Variants in LOC128092252 observed in about 807,000 individuals in gnomAD.
the LOC128092252 span, among the ~76,000 whole-genome samples, chr15:50,679,538 A>ATATTTT: frequency 6.8e-4 from 30 of 43,886 alleles, 1 homozygote; most frequent in African/African-American, 3.1e-3. Flanking sequence ...ATATATATAT[A>ATATTTT]TTTTTTTTTT....
chr15:50,657,674 A>G, the LOC128092252 span: 1 of 1,006,456 alleles, frequency 9.9e-7, no homozygotes, highest in Non-Finnish European at 1.5e-6. Flanking sequence ...TACCCATCAA[A>G]TATAATAGCA....
chr15:50,676,539 C>A, the LOC128092252 span, among the ~76,000 whole-genome samples: 1 of 151,676 alleles, frequency 6.6e-6, no homozygotes, highest in Non-Finnish European at 1.5e-5. Flanking sequence ...GTCAACACAG[C>A]GAGACCTCAT....
At chr15:50,668,979 A>G in the LOC128092252 span, among the ~76,000 whole-genome samples, 1 of 152,190 alleles carries the variant, frequency 6.6e-6, no homozygotes, top group African/African-American at 2.4e-5. Flanking sequence ...AACTGGCCTC[A>G]TATCTTGTCT....
chr15:50,671,107 T>C, the LOC128092252 span, among the ~76,000 whole-genome samples: 24,304 of 152,142 alleles, frequency 0.16, 2,077 homozygotes, highest in African/African-American at 0.22. Flanking sequence ...CAAAAATACA[T>C]TGTTATTTAG....
the LOC128092252 span, among the ~76,000 whole-genome samples, chr15:50,679,529 TATATA>T: frequency 3.5e-4 from 18 of 51,726 alleles, no homozygotes; most frequent in African/African-American, 9.5e-4. Flanking sequence ...TATATATATA[TATATA>T]TATATTTTTT....
At chr15:50,679,526 ATATATATATATATTTTT>A in the LOC128092252 span, among the ~76,000 whole-genome samples, 3 of 46,196 alleles carry the variant, frequency 6.5e-5, no homozygotes, top group African/African-American at 3.4e-4. Context: ...ATATATATAT[ATATATATATATATTTTT>A]TTTTTTTTTT....
the LOC128092252 span, among the ~76,000 whole-genome samples, chr15:50,678,884 AT>A: frequency 3.6e-4 from 41 of 113,544 alleles, no homozygotes; most frequent in South Asian, 3.8e-3. Context: ...AAAAAAAAAA[AT>A]TTTTTTGAGA....
At chr15:50,677,365 T>C in the LOC128092252 span, among the ~76,000 whole-genome samples, 4 of 151,870 alleles carry the variant, frequency 2.6e-5, no homozygotes, top group African/African-American at 7.3e-5. Flanking sequence ...CTTCAAGATA[T>C]GAATTCTCGG....
At chr15:50,685,005 A>G in the LOC128092252 span, among the ~76,000 whole-genome samples, 2 of 152,292 alleles carry the variant, frequency 1.3e-5, no homozygotes, top group African/African-American at 4.8e-5. Flanking sequence ...CTTTTTAGAC[A>G]TAAACACAAT....
chr15:50,678,541 T>TATATAC, the LOC128092252 span, among the ~76,000 whole-genome samples: 1 of 136,542 alleles, frequency 7.3e-6, no homozygotes, highest in African/African-American at 2.9e-5. Flanking sequence ...TATATATATA[T>TATATAC]ACACACACAC....
At chr15:50,682,328 T>C in the LOC128092252 span, among the ~76,000 whole-genome samples, 1 of 151,518 alleles carries the variant, frequency 6.6e-6, no homozygotes, top group South Asian at 2.1e-4. Flanking sequence ...AAATACACAG[T>C]CCCAGAAAAA....
chr15:50,657,866 T>C, the LOC128092252 span: 22 of 1,530,498 alleles, frequency 1.4e-5, no homozygotes, highest in Non-Finnish European at 2.0e-5. Context: ...TGAAAAACTT[T>C]CTGATTTTAA....
At chr15:50,686,192 A>G in the LOC128092252 span, among the ~76,000 whole-genome samples, 1 of 152,208 alleles carries the variant, frequency 6.6e-6, no homozygotes, top group East Asian at 1.9e-4. Context: ...TTGTAGGCTG[A>G]GCCCTGCGTC....
At chr15:50,667,644 T>C in the LOC128092252 span, among the ~76,000 whole-genome samples, 3 of 151,986 alleles carry the variant, frequency 2.0e-5, no homozygotes, top group Non-Finnish European at 4.4e-5. Flanking sequence ...GAGGTGGAGG[T>C]AACAGTGAGC....
chr15:50,654,431 A>T, the LOC128092252 span, among the ~76,000 whole-genome samples: 7 of 151,436 alleles, frequency 4.6e-5, no homozygotes, highest in Non-Finnish European at 1.0e-4. Flanking sequence ...TGGGCAACAG[A>T]ACAAGACACC....
At chr15:50,651,468 A>AC in the LOC128092252 span, among the ~76,000 whole-genome samples, 1 of 151,802 alleles carries the variant, frequency 6.6e-6, no homozygotes, top group African/African-American at 2.4e-5. Flanking sequence ...ACACAGTGAA[A>AC]CCCCGTCTGT....
At chr15:50,654,624 C>T in the LOC128092252 span, among the ~76,000 whole-genome samples, 1 of 151,302 alleles carries the variant, frequency 6.6e-6, no homozygotes, top group East Asian at 1.9e-4. Flanking sequence ...GCACATGGTG[C>T]ATCTCAGCAG....
the LOC128092252 span, among the ~76,000 whole-genome samples, chr15:50,682,173 C>CA: frequency 0.012 from 772 of 63,654 alleles, 40 homozygotes; most frequent in Admixed American, 0.069. Flanking sequence ...AACTCAGTCT[C>CA]AAAAAAAAAA....
chr15:50,672,016 T>C, the LOC128092252 span, among the ~76,000 whole-genome samples: 1 of 152,216 alleles, frequency 6.6e-6, no homozygotes, highest in Non-Finnish European at 1.5e-5. Context: ...ACTACGCTTT[T>C]TATGGTTAGA....
Sources: gnomAD v4.1 joint callset for allele counts (sites outside exome capture counted in the v4.1 genomes callset) on GRCh38, gnomAD v4.1.1 for gene constraint, MANE v1.5 for transcripts.